The following RAB11FIP4 variants were observed in gnomAD, a reference collection of about 807,000 sequenced individuals.
RAB11FIP4 encodes the protein rab11 family-interacting protein 4.
A neutral mutation model predicts 74.3 loss-of-function variants in RAB11FIP4; 23 were observed. That is an observed-to-expected ratio of 0.31 (90% CI 0.22 to 0.44). RAB11FIP4 has a LOEUF of 0.44. Ranked by LOEUF, RAB11FIP4 falls within the 20% of genes least tolerant of loss-of-function variation. The pLI is 1.00. For synonymous variants in RAB11FIP4, 360 were observed against 359.9 expected, an observed-to-expected ratio of 1.00 and a Z score of 0.00; for missense variants, 630 against 863.9, an observed-to-expected ratio of 0.73 and a Z score of 3.39.
At chr17:31,531,553 C>G in intron 14 of RAB11FIP4, 63 bp from the exon 15 acceptor site, 1 of 1,114,836 alleles carries the variant, frequency 9.0e-7, no homozygotes, top group Non-Finnish European at 1.4e-6. Context: ...GCCTGGGAGT[C>G]TGGACTCTGC....
intron 3 of RAB11FIP4, among the ~76,000 whole-genome samples, chr17:31,473,638 C>T (rs178900): frequency 0.77 from 117,387 of 152,116 alleles, 45,447 homozygotes; most frequent in East Asian, 0.92. Flanking sequence ...GAGAAGGAGG[C>T]GGTCAGCTCG....
Position 31,431,913 on chromosome 17 carries a change from C to T in RAB11FIP4, c.247+13C>T, listed in dbSNP as rs375535001. 44 of 1,599,750 alleles carry T rather than the reference C, an allele frequency of 2.8e-5. No homozygotes were observed. Among genetic ancestry groups the T allele is most frequent in the Middle Eastern group, 3.4e-4 (2 of 5,954 alleles). On this transcript the variant is annotated intron_variant, in intron 2 of 14. Coordinates refer to ENST00000621161, the MANE Select transcript of RAB11FIP4 (RefSeq NM_032932.6). ...TTCGCCATGAAAGGTGAGGTCTTCC[C>T]GGGAGGCTTTCCCAGGCGCTCTCCG...
intron 3 of RAB11FIP4, among the ~76,000 whole-genome samples, chr17:31,484,043 C>T (rs1321675817): frequency 1.3e-5 from 2 of 149,374 alleles, no homozygotes; most frequent in Non-Finnish European, 3.0e-5. Context: ...CACGGCACTT[C>T]AGCCTAGGCA....
At chr17:31,401,902 C>T (rs968454761) in intron 1 of RAB11FIP4, among the ~76,000 whole-genome samples, 8 of 152,202 alleles carry the variant, frequency 5.3e-5, no homozygotes, top group South Asian at 2.1e-4. Flanking sequence ...GTTCATATAA[C>T]GAGCTGAAAT....
chr17:31,482,581 ACT>A (rs925092136), intron 3 of RAB11FIP4, among the ~76,000 whole-genome samples: 4 of 151,346 alleles, frequency 2.6e-5, no homozygotes, highest in African/African-American at 9.7e-5. Context: ...ACAGAGGGAG[ACT>A]CTAAAAGAAA....
In RAB11FIP4 at chr17:31,531,926, G is replaced by C. The variant is rs887502139; in HGVS notation, c.*194G>C. 1 of 569,300 alleles carries C rather than the reference G, an allele frequency of 1.8e-6. No homozygotes were observed. Among genetic ancestry groups the C allele is most frequent in the African/African-American group, 1.9e-5 (1 of 53,276 alleles). The allele number at this position is 569,300 out of a possible 1,614,324, so 35.3% of individuals were successfully genotyped here. On this transcript the variant is annotated 3_prime_UTR_variant, in exon 15 of 15. Coordinates refer to ENST00000621161, the MANE Select transcript of RAB11FIP4 (RefSeq NM_032932.6). The stretch of plus-strand genomic sequence containing the variant: ...GGGTGAGTGGCCGTGGCTGTGGGCA[G>C]CATCCACACGGTTAGCCGTGCATGC...
chr17:31,396,099 G>A (rs1437945847), intron 1 of RAB11FIP4, among the ~76,000 whole-genome samples: 1 of 151,146 alleles, frequency 6.6e-6, no homozygotes, highest in Non-Finnish European at 1.5e-5. Context: ...CAGGAGAATC[G>A]CTTCAACCTG....
At chr17:31,452,149 A>C (rs1403601387) in intron 3 of RAB11FIP4, among the ~76,000 whole-genome samples, 1 of 151,744 alleles carries the variant, frequency 6.6e-6, no homozygotes, top group Non-Finnish European at 1.5e-5. Context: ...TGTTTGGCAC[A>C]GTCTTGATCA....
chr17:31,459,774 C>G (rs1048916464), intron 3 of RAB11FIP4, among the ~76,000 whole-genome samples: 1 of 149,928 alleles, frequency 6.7e-6, no homozygotes. Flanking sequence ...CCTCTTTATC[C>G]CCCACCAGTC....
intron 3 of RAB11FIP4, among the ~76,000 whole-genome samples, chr17:31,441,678 C>T (rs1163304153): frequency 2.0e-5 from 3 of 151,866 alleles, no homozygotes; most frequent in Admixed American, 6.6e-5. Flanking sequence ...CAGGCGCCCA[C>T]GACCATGCCT....
At chr17:31,471,128 T>A (rs2071732451) in intron 3 of RAB11FIP4, among the ~76,000 whole-genome samples, 1 of 151,510 alleles carries the variant, frequency 6.6e-6, no homozygotes, top group Admixed American at 6.6e-5. Context: ...AGGGGTGCGA[T>A]CATGGCTCAC....
rs539254728 is a variant in RAB11FIP4 at position 31,515,147 on chromosome 17, C to T, written c.337-2504C>T. 5.3e-5 allele frequency among the ~76,000 whole-genome samples: 8 copies of T among 152,238 alleles called. No individual in the cohort carries two copies. In the South Asian group the frequency reaches 1.7e-3, roughly 32 times the overall value. On this transcript the variant is annotated intron_variant, in intron 3 of 14. Transcript: ENST00000621161. ...CACAGGTGGGATAATATGTGAATGCCCAGCTCGGTCTCTGGAACCTAATGG... is the reference window on the plus strand; with the variant it reads ...CACAGGTGGGATAATATGTGAATGCTCAGCTCGGTCTCTGGAACCTAATGG...
intron 1 of RAB11FIP4, among the ~76,000 whole-genome samples, chr17:31,424,808 C>T (rs1379664221): frequency 1.3e-5 from 2 of 152,058 alleles, no homozygotes; most frequent in African/African-American, 2.4e-5. Context: ...AACTCCTGAC[C>T]TCAGGTGATT....
chr17:31,449,563 CA>C (rs2071505101), intron 3 of RAB11FIP4, among the ~76,000 whole-genome samples: 1 of 152,154 alleles, frequency 6.6e-6, no homozygotes, highest in Non-Finnish European at 1.5e-5. Flanking sequence ...CTTTTTGAGA[CA>C]GGGGTCTCAC....
chr17:31,440,792 A>T (rs1002268302), intron 3 of RAB11FIP4, among the ~76,000 whole-genome samples: 10 of 152,242 alleles, frequency 6.6e-5, no homozygotes, highest in South Asian at 6.2e-4. Flanking sequence ...AAAACAAATA[A>T]AAAAAACTGT....
rs567847863 is a variant in RAB11FIP4, at chr17:31,397,086, A to G, written c.159+5075A>G. 2.3e-3 allele frequency among the ~76,000 whole-genome samples: 346 copies of G among 152,320 alleles called. 1 individual carries two copies. Among genetic ancestry groups the G allele is most frequent in the Non-Finnish European group, 3.4e-3 (232 of 68,020 alleles). The stretch of plus-strand genomic sequence containing the variant: ...GGCTGGGATCGATGTCTTTTGAGAT[A>G]CGTGGCTTCCAGGAACAGGAGCACC... On this transcript the variant is annotated intron_variant, in intron 1 of 14. Coordinates refer to ENST00000621161, the MANE Select transcript of RAB11FIP4 (RefSeq NM_032932.6).
chr17:31,441,278 G>A (rs753136269), intron 3 of RAB11FIP4, among the ~76,000 whole-genome samples: 31 of 151,950 alleles, frequency 2.0e-4, no homozygotes, highest in Non-Finnish European at 3.2e-4. Context: ...CTCCTGCTTC[G>A]GCCTCCCAAA....
chr17:31,501,215 C>G (rs982782678), intron 3 of RAB11FIP4, among the ~76,000 whole-genome samples: 12 of 146,988 alleles, frequency 8.2e-5, no homozygotes, highest in Non-Finnish European at 1.8e-4. Context: ...TAGGACAGAC[C>G]AAAAATAAAT....
intron 3 of RAB11FIP4, among the ~76,000 whole-genome samples, chr17:31,470,889 A>G (rs1162713535): frequency 6.6e-6 from 1 of 152,220 alleles, no homozygotes; most frequent in African/African-American, 2.4e-5. Flanking sequence ...GAGGGGAGTC[A>G]TTATAGAGGA....
Sources: gnomAD v4.1 joint callset for allele counts (sites outside exome capture counted in the v4.1 genomes callset) on GRCh38, gnomAD v4.1.1 for gene constraint, MANE v1.5 for transcripts, NCBI Gene and HGNC (gene_info 2026-07-23, HGNC 2026-07-21) for gene names.